The following GSG1L variants were observed in gnomAD, a reference collection of about 807,000 sequenced individuals.
The protein encoded by GSG1L is GSG1 like.
Under a neutral mutation model 42.1 loss-of-function variants are expected in GSG1L, and 24 were observed. The observed-to-expected ratio is 0.57, with a 90% CI of 0.41 to 0.80. GSG1L has a LOEUF of 0.80. Among genes scored for constraint, GSG1L ranks in the 30% least tolerant of loss-of-function variants. The pLI is 0.00. For missense variants in GSG1L, 445 were observed against 472.2 expected (o/e 0.94, Z 0.53); for synonymous variants, 215 against 203.5 (o/e 1.06, Z -0.48).
intron 5 of GSG1L, among the ~76,000 whole-genome samples, chr16:27,818,434 G>A (rs937203609): frequency 6.6e-6 from 1 of 152,126 alleles, no homozygotes; most frequent in African/African-American, 2.4e-5. Flanking sequence ...TCTCCACGGT[G>A]CCATCTCCAG....
chr16:28,039,345 T>TA (rs993251807), intron 1 of GSG1L, among the ~76,000 whole-genome samples: 1 of 152,174 alleles, frequency 6.6e-6, no homozygotes, highest in Non-Finnish European at 1.5e-5. Context: ...TCCCAAGAGA[T>TA]ATTTGGCAAT....
intron 3 of GSG1L, among the ~76,000 whole-genome samples, chr16:27,856,773 C>A (rs1302862089): frequency 6.6e-6 from 1 of 152,182 alleles, no homozygotes; most frequent in Non-Finnish European, 1.5e-5. Context: ...GCGAAGTGAA[C>A]ATTGTACCTT....
At chr16:27,795,947 A>G (rs1394379560) in intron 6 of GSG1L, among the ~76,000 whole-genome samples, 1 of 152,154 alleles carries the variant, frequency 6.6e-6, no homozygotes, top group Non-Finnish European at 1.5e-5. Context: ...TACTGTTCCA[A>G]AATGGATTCA....
At chr16:27,850,828 A>G (rs773950511) in intron 3 of GSG1L, among the ~76,000 whole-genome samples, 7 of 149,900 alleles carry the variant, frequency 4.7e-5, no homozygotes, top group Non-Finnish European at 7.4e-5. Flanking sequence ...TTTTGTACAG[A>G]CAGCGTCCCT....
At chr16:27,982,046 C>T (rs1037992429) in intron 1 of GSG1L, among the ~76,000 whole-genome samples, 9 of 152,168 alleles carry the variant, frequency 5.9e-5, no homozygotes, top group African/African-American at 2.2e-4. Flanking sequence ...AAGAAGTGAT[C>T]TTCTGTAGTA....
At chr16:28,011,895 G>A (rs1429102865) in intron 1 of GSG1L, among the ~76,000 whole-genome samples, 2 of 152,140 alleles carry the variant, frequency 1.3e-5, no homozygotes, top group Non-Finnish European at 2.9e-5. Flanking sequence ...AGTTTGCCAC[G>A]GATTCCATTT....
intron 5 of GSG1L, among the ~76,000 whole-genome samples, chr16:27,819,678 C>T (rs1465862718): frequency 6.6e-6 from 1 of 152,166 alleles, no homozygotes. Flanking sequence ...ATGCTGCATG[C>T]AGGGCAAGGG....
intron 5 of GSG1L, 87 bp downstream of exon 5, chr16:27,828,702 T>C: frequency 7.4e-7 from 1 of 1,358,052 alleles, no homozygotes; most frequent in Non-Finnish European, 1.0e-6. Flanking sequence ...TCATTCCAGT[T>C]TTTGACTGGG....
intron 4 of GSG1L, among the ~76,000 whole-genome samples, chr16:27,833,977 T>G (rs1567476706): frequency 6.6e-6 from 1 of 152,176 alleles, no homozygotes; most frequent in Non-Finnish European, 1.5e-5. Flanking sequence ...TTATTTTTAG[T>G]TAGAACTTCC....
At chr16:27,958,322 T>G (rs958289481) in intron 2 of GSG1L, among the ~76,000 whole-genome samples, 10 of 151,118 alleles carry the variant, frequency 6.6e-5, no homozygotes, top group African/African-American at 2.4e-4. Context: ...GGAGAATTGC[T>G]TGAACCTGGG....
rs1467079896 is a variant in GSG1L, at chr16:28,063,220, C to G, written c.205G>C (p.Ala69Pro). Residue 69 changes from alanine to proline, a missense_variant, in exon 1 of 7, where the codon GCC becomes CCC. Physicochemically the swap from Ala to Pro is conservative, Grantham distance 27. Coordinates refer to ENST00000447459, the MANE Select transcript of GSG1L (RefSeq NM_001109763.2). The surrounding 1 kb of genome is among the most constrained non-coding windows in gnomAD (Gnocchi z 5.8). Reference protein sequence around the residue: ...ATANGTAAPAAAAAAATASGN... With the variant: ...ATANGTAAPAPAAAAATASGN... ...GAGGCGGTGGCGGCGGCGGCGGCGG[C>G]GGCGGGGGCGGCGGTGCCGTTGGCC... is the stretch of plus-strand genomic sequence containing the variant. 4 of 1,249,066 alleles carry G rather than the reference C, an allele frequency of 3.2e-6. No homozygotes were observed. The highest frequency in any genetic ancestry group is 1.6e-5 in the African/African-American group (1 of 63,022). The allele number at this position is 1,249,066 out of a possible 1,614,324, so 77.4% of individuals were successfully genotyped here. A position where few individuals can be genotyped will look rare whatever the true frequency, so the allele number is the denominator to read the frequency against.
intron 3 of GSG1L, among the ~76,000 whole-genome samples, chr16:27,878,060 A>G (rs964841059): frequency 8.5e-5 from 13 of 152,092 alleles, no homozygotes; most frequent in Admixed American, 2.6e-4. Flanking sequence ...TGTTAAAGAA[A>G]AAAAAAATGG....
intron 3 of GSG1L, among the ~76,000 whole-genome samples, chr16:27,854,988 G>A (rs1360405152): frequency 6.6e-6 from 1 of 152,128 alleles, no homozygotes; most frequent in Non-Finnish European, 1.5e-5. Flanking sequence ...CTTGAGCCCA[G>A]GAGTTCAAGG....
chr16:28,047,284 A>G lies in GSG1L; in HGVS notation c.349+15792T>C, dbSNP rs2086172069. Among the ~76,000 whole-genome samples, 5 of 152,230 alleles carry G rather than the reference A, an allele frequency of 3.3e-5. No individual in the cohort carries two copies. The South Asian group carries it at 1.0e-3, about 32-fold the overall frequency. On this transcript the variant is annotated intron_variant, in intron 1 of 6. Coordinates refer to ENST00000447459, the MANE Select transcript of GSG1L (RefSeq NM_001109763.2). The stretch of plus-strand genomic sequence containing the variant: ...AATATATGCTGTTTTGTTCTTCATA[A>G]TTATAACAAAAATGGAAGTCCAAGT...
intron 6 of GSG1L, among the ~76,000 whole-genome samples, chr16:27,802,877 A>G (rs12444630): frequency 0.12 from 18,247 of 151,426 alleles, 1,387 homozygotes; most frequent in South Asian, 0.18. Context: ...CTGGTCTCGA[A>G]CTCCTGGCAT....
In GSG1L at chr16:27,954,860, A is replaced by G. The variant is rs79370826; in HGVS notation, c.397+8296T>C. 4.1e-3 allele frequency among the ~76,000 whole-genome samples: 631 copies of G among 152,234 alleles called. 2 individuals are homozygous for G. Among genetic ancestry groups the G allele is most frequent in the Non-Finnish European group, 5.7e-3 (385 of 68,016 alleles). ...TTTTCATAGAAACAGGGGTCTCACT[A>G]TGTTACCTGGGCTGGTCTGGAACTC... On this transcript the variant is annotated intron_variant, in intron 2 of 6. Coordinates refer to ENST00000447459, the MANE Select transcript of GSG1L (RefSeq NM_001109763.2).
intron 4 of GSG1L, among the ~76,000 whole-genome samples, chr16:27,831,648 A>G (rs2083275418): frequency 6.6e-6 from 1 of 152,196 alleles, no homozygotes; most frequent in African/African-American, 2.4e-5. Flanking sequence ...GGGGTTTGCT[A>G]GAGCCCAAGG....
intron 1 of GSG1L, among the ~76,000 whole-genome samples, chr16:28,023,765 C>A (rs1205087419): frequency 6.6e-6 from 1 of 152,226 alleles, no homozygotes; most frequent in Non-Finnish European, 1.5e-5. Context: ...TGATTCACAT[C>A]TGTAATCCCA....
intron 1 of GSG1L, among the ~76,000 whole-genome samples, chr16:28,043,771 C>T (rs930222259): frequency 2.6e-5 from 4 of 152,208 alleles, no homozygotes; most frequent in African/African-American, 9.6e-5. Context: ...CCTGTAATCC[C>T]AGCACTTTGG....
Sources: gnomAD v4.1 joint callset for allele counts (sites outside exome capture counted in the v4.1 genomes callset) on GRCh38, gnomAD v4.1.1 for gene constraint, Gnocchi (gnomAD v3.1) non-coding constraint, MANE v1.5 for transcripts, NCBI Gene and HGNC (gene_info 2026-07-23, HGNC 2026-07-21) for gene names.